Variants in ZBTB7C observed in about 807,000 individuals in gnomAD.
The protein encoded by ZBTB7C is zinc finger and BTB domain-containing protein 7C.
Under a neutral mutation model 25.7 loss-of-function variants are expected in ZBTB7C, and 8 were observed. The observed-to-expected ratio is 0.31, with a 90% CI of 0.18 to 0.56. ZBTB7C has a LOEUF of 0.56. Ranked by LOEUF, ZBTB7C falls within the 20% of genes least tolerant of loss-of-function variation. The probability of loss-of-function intolerance (pLI) is 0.91; values close to 1 mark genes in which losing one functional copy is unlikely to be tolerated. For synonymous variants in ZBTB7C, 394 were observed against 369.0 expected, an observed-to-expected ratio of 1.07 and a Z score of -0.78; for missense variants, 824 against 855.2, an observed-to-expected ratio of 0.96 and a Z score of 0.46.
At chr18:48,376,073 T>C (rs536766921) in intron 1 of ZBTB7C, among the ~76,000 whole-genome samples, 1 of 152,300 alleles carries the variant, frequency 6.6e-6, no homozygotes, top group South Asian at 2.1e-4. Flanking sequence ...ACTGGGGAAT[T>C]TGCTTTCCTC....
At chr18:48,222,918 G>A (rs2042997328) in intron 2 of ZBTB7C, among the ~76,000 whole-genome samples, 1 of 152,208 alleles carries the variant, frequency 6.6e-6, no homozygotes, top group Non-Finnish European at 1.5e-5. Flanking sequence ...AGAGGCAGAT[G>A]TGGAGCTAAA....
At chr18:48,409,086 G>T (rs1200348653) in intron 1 of ZBTB7C, 140 bp downstream of exon 1, 4 of 151,498 alleles carry the variant, frequency 2.6e-5, no homozygotes, top group Non-Finnish European at 4.4e-5. Flanking sequence ...AACGGCCCCC[G>T]CAATCGCTTT....
intron 2 of ZBTB7C, among the ~76,000 whole-genome samples, chr18:48,216,482 G>A (rs2042826065): frequency 6.6e-6 from 1 of 151,300 alleles, no homozygotes; most frequent in Admixed American, 6.6e-5. Flanking sequence ...AGGAGTTGAG[G>A]GAAGAGAGAT....
Position 48,322,876 on chromosome 18 carries a change from A to G in ZBTB7C, c.-79+15298T>C, listed in dbSNP as rs191748476. Among the ~76,000 whole-genome samples, 3 of 152,354 alleles carry G rather than the reference A, an allele frequency of 2.0e-5. No homozygotes were observed. The East Asian group carries it at 5.8e-4, about 29-fold the overall frequency. ...GGAATACTACTCAGCCATAAAAAGG[A>G]ATGAATTAATGGCATTCACAGCAAC... On this transcript the variant is annotated intron_variant, in intron 2 of 4. Transcript: ENST00000590800.
chr18:48,247,321 C>T (rs992970488), intron 2 of ZBTB7C, among the ~76,000 whole-genome samples: 4 of 151,460 alleles, frequency 2.6e-5, no homozygotes, highest in Admixed American at 6.6e-5. Flanking sequence ...TTAAAAACAA[C>T]GACAGAAAAG....
chr18:48,167,601 C>T (rs58620179), intron 3 of ZBTB7C, among the ~76,000 whole-genome samples: 19,495 of 55,068 alleles, frequency 0.35, 2,623 homozygotes, highest in African/African-American at 0.52. Context: ...TGTGTGTGCG[C>T]GCGTGCACAC....
chr18:48,365,249 A>T (rs759286944), intron 1 of ZBTB7C, among the ~76,000 whole-genome samples: 1 of 152,226 alleles, frequency 6.6e-6, no homozygotes, highest in African/African-American at 2.4e-5. Flanking sequence ...CTCATGTGGA[A>T]GTACAGATCT....
At chr18:48,036,054 A>T (rs998424275) in intron 4 of ZBTB7C, among the ~76,000 whole-genome samples, 2 of 152,252 alleles carry the variant, frequency 1.3e-5, no homozygotes, top group Non-Finnish European at 2.9e-5. Context: ...GACCAGAGCT[A>T]GGAAGGGACA....
chr18:48,370,713 C>A (rs928986941), intron 1 of ZBTB7C, among the ~76,000 whole-genome samples: 46 of 152,266 alleles, frequency 3.0e-4, no homozygotes, highest in Admixed American at 2.9e-3. Context: ...TCAACACACA[C>A]GCACATACAA....
chr18:48,292,918 C>T (rs1007401391), intron 2 of ZBTB7C, among the ~76,000 whole-genome samples: 1 of 152,208 alleles, frequency 6.6e-6, no homozygotes, highest in Non-Finnish European at 1.5e-5. Context: ...AGCCCTCACT[C>T]GGTGGCAAGC....
intron 2 of ZBTB7C, among the ~76,000 whole-genome samples, chr18:48,248,206 G>C (rs984554583): frequency 6.6e-6 from 1 of 151,988 alleles, no homozygotes; most frequent in African/African-American, 2.4e-5. Context: ...TATTTGCAGC[G>C]TGAGGACAGA....
At chr18:48,390,601 C>T (rs985673629) in intron 1 of ZBTB7C, among the ~76,000 whole-genome samples, 1 of 152,204 alleles carries the variant, frequency 6.6e-6, no homozygotes, top group African/African-American at 2.4e-5. Flanking sequence ...CTGCTTAAAA[C>T]CTGCCAGCAG....
intron 3 of ZBTB7C, chr18:48,137,320 G>A (rs2040203082): frequency 3.0e-6 from 3 of 985,416 alleles, no homozygotes; most frequent in Non-Finnish European, 3.6e-6. Context: ...AAGATCTTTG[G>A]AAAAGGTAAA....
intron 1 of ZBTB7C, among the ~76,000 whole-genome samples, chr18:48,405,518 G>A (rs943896640): frequency 2.0e-5 from 3 of 152,192 alleles, no homozygotes; most frequent in African/African-American, 4.8e-5. Context: ...TGTGCAAATG[G>A]GAGAGTAGTA....
intron 1 of ZBTB7C, among the ~76,000 whole-genome samples, chr18:48,383,826 C>T (rs904317042): frequency 4.7e-5 from 7 of 149,682 alleles, no homozygotes; most frequent in African/African-American, 1.7e-4. Flanking sequence ...CATGACTTCC[C>T]TCAGCACACG....
intron 3 of ZBTB7C, among the ~76,000 whole-genome samples, chr18:48,103,112 TTATCTATCTATC>T (rs61043835): frequency 0.14 from 18,212 of 130,944 alleles, 1,464 homozygotes; most frequent in Admixed American, 0.18. Context: ...ATATTTTATA[TTATCTATCTATC>T]TATCTATCTA....
chr18:48,158,657 C>T (rs2144933663), intron 3 of ZBTB7C, among the ~76,000 whole-genome samples: 1 of 152,270 alleles, frequency 6.6e-6, no homozygotes, highest in Admixed American at 6.5e-5. Context: ...AGGCCCTCTT[C>T]TGCAAGACTC....
At chr18:48,233,997 T>G (rs2043316686) in intron 2 of ZBTB7C, among the ~76,000 whole-genome samples, 1 of 152,142 alleles carries the variant, frequency 6.6e-6, no homozygotes, top group South Asian at 2.1e-4. Context: ...CACTAAACTT[T>G]CCAGTGAAAG....
chr18:48,185,184 C>A, intron 3 of ZBTB7C: 1 of 332,296 alleles, frequency 3.0e-6, no homozygotes, highest in Non-Finnish European at 5.8e-6. Flanking sequence ...GGCATCCACC[C>A]CTGTTCCTTC....
Sources: gnomAD v4.1 joint callset for allele counts (sites outside exome capture counted in the v4.1 genomes callset) on GRCh38, gnomAD v4.1.1 for gene constraint, MANE v1.5 for transcripts, NCBI Gene and HGNC (gene_info 2026-07-23, HGNC 2026-07-21) for gene names.